The following OR1L3 variants were observed in gnomAD, a reference collection of about 807,000 sequenced individuals.
OR1L3 encodes the protein olfactory receptor family 1 subfamily L member 3.
For synonymous variants in OR1L3, 137 were observed against 144.5 expected (o/e 0.95, Z 0.37); for missense variants, 374 against 386.4 (o/e 0.97, Z 0.27).
Position 122,675,236 on chromosome 9 carries a change from T to A in OR1L3, c.107T>A (p.Leu36Gln). 1 of 1,614,176 alleles carries A rather than the reference T, an allele frequency of 6.2e-7. No homozygotes were observed. Among genetic ancestry groups the A allele is most frequent in the Non-Finnish European group, 8.5e-7 (1 of 1,180,030 alleles). The change falls in exon 1 of 1, where the codon CTG becomes CAG. Residue 36 changes from leucine (L) to glutamine (Q), a missense_variant. Physicochemically the swap from Leu to Gln is moderately radical, Grantham distance 113. Transcript: ENST00000304820. The part of the protein sequence containing the change: ...PLFALFLIIY[L>Q]VTLMGNLLII... ...TTTGCCCTCTTTCTTATCATATACC[T>A]GGTCACTTTGATGGGAAATCTGCTC...
Position 122,675,445 on chromosome 9 carries a change from G to T in OR1L3, c.316G>T (p.Val106Phe). 3 of 1,614,134 alleles carry T rather than the reference G, an allele frequency of 1.9e-6. No homozygotes were observed. The highest frequency in any genetic ancestry group is 2.5e-6 in the Non-Finnish European group (3 of 1,180,034). The change falls in exon 1 of 1, where the codon GTT (valine) becomes TTT (phenylalanine). Residue 106 changes from valine (V) to phenylalanine (F), a missense_variant. By Grantham distance (50) the Val-to-Phe change is conservative. Coordinates refer to ENST00000304820, the MANE Select transcript of OR1L3 (RefSeq NM_001005234.1). ...ECLAQMYFFLVFGNIDSYLLA... is the reference protein window; with the variant it reads ...ECLAQMYFFLFFGNIDSYLLA... ...TCTGGCACAGATGTATTTCTTCCTG[G>T]TTTTTGGAAACATAGATAGTTATCT...
In OR1L3 at chr9:122,675,295, CA is replaced by C. The variant is rs757547943; in HGVS notation, c.170del (p.Asn57ThrfsTer7). On this transcript the variant is annotated frameshift_variant, in exon 1 of 1. Transcript: ENST00000304820. LOFTEE classifies it low-confidence loss of function (END_TRUNC). ...ILAIHSDPRL[Q>X]NPMYFFLSIL... Reference sequence around the variant, plus strand: ...GGCTATCCACTCTGATCCTCGACTTCAAAACCCTATGTATTTTTTCCTAAGC... The same window carrying C: ...GGCTATCCACTCTGATCCTCGACTTCAAACCCTATGTATTTTTTCCTAAGC... 2.2e-5 allele frequency: 35 copies of C among 1,614,060 alleles called. No homozygotes were observed. In the Admixed American group the frequency reaches 5.7e-4, roughly 26 times the overall value.
chr9:122,675,898 T>C lies in OR1L3; in HGVS notation c.769T>C (p.Tyr257His), dbSNP rs778092653. 15 of 1,613,974 alleles carry C rather than the reference T, an allele frequency of 9.3e-6. No homozygotes were observed. Among genetic ancestry groups the C allele is most frequent in the Middle Eastern group, 1.6e-4 (1 of 6,082 alleles). Residue 257 changes from tyrosine to histidine, a missense_variant, in exon 1 of 1, where the codon TAT becomes CAT. Coordinates refer to ENST00000304820, the MANE Select transcript of OR1L3 (RefSeq NM_001005234.1). ...VVILFYGSIS[Y>H]VYLQPLSSYT... is the part of the protein sequence containing the mutation. ...GATTCTGTTTTATGGGAGTATTAGC[T>C]ATGTCTATTTGCAGCCTTTGTCCAG...
At position 122,675,577 on chromosome 9, in the gene OR1L3, A is replaced by G. The variant is rs1386656239; in HGVS notation, c.448A>G (p.Thr150Ala). 1 of 1,614,026 alleles carries G rather than the reference A, an allele frequency of 6.2e-7. No individual in the cohort carries two copies. Among genetic ancestry groups the G allele is most frequent in the South Asian group, 1.1e-5 (1 of 91,062 alleles). ...CCVLLLAFPITFSYFHSLLHV... is the reference protein window; with the variant it reads ...CCVLLLAFPIAFSYFHSLLHV... ...TGTGTTGCTACTAGCATTCCCCATCACTTTCTCCTATTTCCACTCTCTCCT... is the reference window on the plus strand; with the variant it reads ...TGTGTTGCTACTAGCATTCCCCATCGCTTTCTCCTATTTCCACTCTCTCCT... The change falls in exon 1 of 1, where the codon ACT (threonine) becomes GCT (alanine). Residue 150 changes from threonine to alanine, a missense_variant. By Grantham distance (58) the Thr-to-Ala change is moderately conservative. Transcript: ENST00000304820.
chr9:122,675,276 C>G lies in OR1L3; in HGVS notation c.147C>G (p.Ile49Met). The change falls in exon 1 of 1, where the codon ATC becomes ATG. Residue 49 changes from isoleucine (I) to methionine (M), a missense_variant. Coordinates refer to ENST00000304820, the MANE Select transcript of OR1L3 (RefSeq NM_001005234.1). ...GAAATCTGCTCATCATCTTGGCTATCCACTCTGATCCTCGACTTCAAAACC... is the reference window on the plus strand; with the variant it reads ...GAAATCTGCTCATCATCTTGGCTATGCACTCTGATCCTCGACTTCAAAACC... ...LMGNLLIILA[I>M]HSDPRLQNPM... 1 of 1,614,188 alleles carries G rather than the reference C, an allele frequency of 6.2e-7. No individual in the cohort carries two copies. The highest frequency in any genetic ancestry group is 8.5e-7 in the Non-Finnish European group (1 of 1,180,026).
Position 122,675,634 on chromosome 9 carries a change from T to C in OR1L3, c.505T>C (p.Cys169Arg). The C allele has an allele frequency of 1.2e-6, 2 of 1,614,216 alleles. No individual in the cohort carries two copies. Among genetic ancestry groups the C allele is most frequent in the Non-Finnish European group, 1.7e-6 (2 of 1,180,028 alleles). Residue 169 changes from cysteine to arginine, a missense_variant, in exon 1 of 1, where the codon TGT becomes CGT. Coordinates refer to ENST00000304820, the MANE Select transcript of OR1L3 (RefSeq NM_001005234.1). ...HVLLVNRLTFCTSNVIHHFFC... is the reference protein window; with the variant it reads ...HVLLVNRLTFRTSNVIHHFFC... Reference sequence around the variant, plus strand: ...CCTCCTGGTGAATCGGCTCACCTTTTGTACATCAAATGTTATCCATCATTT... The same window carrying C: ...CCTCCTGGTGAATCGGCTCACCTTTCGTACATCAAATGTTATCCATCATTT...
In OR1L3 at chr9:122,675,441, C is replaced by G. The variant is rs1177707740; in HGVS notation, c.312C>G (p.Phe104Leu). The G allele has an allele frequency of 1.9e-6, 3 of 1,614,204 alleles. No homozygotes were observed. In the Admixed American group the frequency reaches 5.0e-5, roughly 27 times the overall value. The change falls in exon 1 of 1, where the codon TTC becomes TTG. Residue 104 changes from phenylalanine (F) to leucine (L), a missense_variant. Transcript: ENST00000304820. ...AATGTCTGGCACAGATGTATTTCTTCCTGGTTTTTGGAAACATAGATAGTT... is the reference window on the plus strand; with the variant it reads ...AATGTCTGGCACAGATGTATTTCTTGCTGGTTTTTGGAAACATAGATAGTT... Reference protein sequence around the residue: ...YAECLAQMYFFLVFGNIDSYL... With the variant: ...YAECLAQMYFLLVFGNIDSYL...
rs558510475 is a variant in OR1L3 at position 122,676,083 on chromosome 9, C to A, written c.954C>A (p.Thr318=). The change falls in exon 1 of 1, where the codon ACC becomes ACA. Residue 318 remains threonine, a synonymous_variant. Transcript: ENST00000304820. ...AAATGAGTAGGTTCTCTACAAAGAC[C>A]AATAAAATCTGTGGACCCTGATTAC... ...KSQMSRFSTK[T]NKICGP 2 of 1,582,458 alleles carry A rather than the reference C, an allele frequency of 1.3e-6. No homozygotes were observed. The highest frequency in any genetic ancestry group is 1.7e-5 in the Admixed American group (1 of 57,388).
Position 122,676,092 on chromosome 9 carries a change from C to T in OR1L3, c.963C>T (p.Ile321=). The T allele has an allele frequency of 6.4e-7, 1 of 1,571,550 alleles. No homozygotes were observed. ...GGTTCTCTACAAAGACCAATAAAATCTGTGGACCCTGATTACAAGGTGTGT... is the reference window on the plus strand; with the variant it reads ...GGTTCTCTACAAAGACCAATAAAATTTGTGGACCCTGATTACAAGGTGTGT... ...MSRFSTKTNK[I]CGP is the part of the protein sequence containing the mutation. Residue 321 remains isoleucine, a synonymous_variant, in exon 1 of 1, where the codon ATC becomes ATT. Coordinates refer to ENST00000304820, the MANE Select transcript of OR1L3 (RefSeq NM_001005234.1).
In OR1L3 at chr9:122,675,606, T is replaced by C; in HGVS notation, c.477T>C (p.His159=). ...TCTCCTATTTCCACTCTCTCCTACA[T>C]GTCCTCCTGGTGAATCGGCTCACCT... ...ITFSYFHSLL[H]VLLVNRLTFC... is the part of the protein sequence containing the mutation. The change falls in exon 1 of 1, where the codon CAT becomes CAC. Residue 159 remains histidine (H), a synonymous_variant. Coordinates refer to ENST00000304820, the MANE Select transcript of OR1L3 (RefSeq NM_001005234.1). 6.2e-7 allele frequency: 1 copy of C among 1,614,198 alleles called. No individual in the cohort carries two copies.
In OR1L3 at chr9:122,675,157, T is replaced by G; in HGVS notation, c.28T>G (p.Ser10Ala). ...GGGAATGTCCAACCTGACAAGACTC[T>G]CTGAATTTATTCTCTTGGGACTCTC... MGMSNLTRL[S>A]EFILLGLSSR... The change falls in exon 1 of 1, where the codon TCT (serine) becomes GCT (alanine). Residue 10 changes from serine to alanine, a missense_variant. By Grantham distance (99) the Ser-to-Ala change is moderately conservative. Coordinates refer to ENST00000304820, the MANE Select transcript of OR1L3 (RefSeq NM_001005234.1). 6.2e-7 allele frequency: 1 copy of G among 1,610,306 alleles called. No homozygotes were observed. Among genetic ancestry groups the G allele is most frequent in the Non-Finnish European group, 8.5e-7 (1 of 1,178,528 alleles).
In OR1L3 at chr9:122,675,240, C is replaced by A. The variant is rs1265019334; in HGVS notation, c.111C>A (p.Val37=). ...LFALFLIIYL[V]TLMGNLLIIL... ...CCCTCTTTCTTATCATATACCTGGTCACTTTGATGGGAAATCTGCTCATCA... is the reference window on the plus strand; with the variant it reads ...CCCTCTTTCTTATCATATACCTGGTAACTTTGATGGGAAATCTGCTCATCA... Residue 37 remains valine (V), a synonymous_variant, in exon 1 of 1, where the codon GTC becomes GTA. Transcript: ENST00000304820. The A allele has an allele frequency of 1.2e-6, 2 of 1,614,136 alleles. No individual in the cohort carries two copies. Among genetic ancestry groups the A allele is most frequent in the South Asian group, 2.2e-5 (2 of 91,068 alleles).
chr9:122,675,349 ACAACAGT>A lies in OR1L3; in HGVS notation c.223_229del (p.Thr75Ter), dbSNP rs781495143. On this transcript the variant is annotated frameshift_variant, in exon 1 of 1. Coordinates refer to ENST00000304820, the MANE Select transcript of OR1L3 (RefSeq NM_001005234.1). LOFTEE classifies it low-confidence loss of function (END_TRUNC). ...CTTGTCCTTTGCTGATATTTGCTAC[ACAACAGT>A]CATAGTCCCAAAGATGCTCGTGAAC... 3 of 1,614,230 alleles carry A rather than the reference ACAACAGT, an allele frequency of 1.9e-6. No homozygotes were observed. In the East Asian group the frequency reaches 6.7e-5, roughly 36 times the overall value.
In OR1L3 at chr9:122,676,080, G is replaced by T; in HGVS notation, c.951G>T (p.Lys317Asn). The change falls in exon 1 of 1, where the codon AAG (lysine) becomes AAT (asparagine). Residue 317 changes from lysine to asparagine, a missense_variant. Physicochemically the swap from Lys to Asn is moderately conservative, Grantham distance 94. Coordinates refer to ENST00000304820, the MANE Select transcript of OR1L3 (RefSeq NM_001005234.1). ...IKSQMSRFST[K>N]TNKICGP ...CTCAAATGAGTAGGTTCTCTACAAA[G>T]ACCAATAAAATCTGTGGACCCTGAT... The T allele has an allele frequency of 6.3e-7, 1 of 1,586,652 alleles. No individual in the cohort carries two copies. The highest frequency in any genetic ancestry group is 1.2e-5 in the South Asian group (1 of 85,944).
chr9:122,675,494 G>T lies in OR1L3; in HGVS notation c.365G>T (p.Arg122Leu), dbSNP rs546730825. The T allele has an allele frequency of 2.2e-5, 35 of 1,614,048 alleles. No individual in the cohort carries two copies. The highest frequency in any genetic ancestry group is 3.0e-5 in the Non-Finnish European group (35 of 1,180,036). Residue 122 changes from arginine (R) to leucine (L), a missense_variant, in exon 1 of 1, where the codon CGC becomes CTC. Arg to Leu is a moderately radical substitution (Grantham distance 102, BLOSUM62 -2). Transcript: ENST00000304820. ...CTCCTGGCGGCTATGGCCATCAACC[G>T]CTGTGTAGCCATTTGTAACCCATTC... is the stretch of plus-strand genomic sequence containing the variant. ...SYLLAAMAIN[R>L]CVAICNPFHY...
rs377105065 is a variant in OR1L3 at position 122,675,147 on chromosome 9, G to T, written c.18G>T (p.Leu6=). ...ACAAGTCCATGGGAATGTCCAACCTGACAAGACTCTCTGAATTTATTCTCT... is the reference window on the plus strand; with the variant it reads ...ACAAGTCCATGGGAATGTCCAACCTTACAAGACTCTCTGAATTTATTCTCT... MGMSN[L]TRLSEFILLG... The change falls in exon 1 of 1, where the codon CTG becomes CTT. Residue 6 remains leucine (L), a synonymous_variant. Transcript: ENST00000304820. 5 of 1,607,568 alleles carry T rather than the reference G, an allele frequency of 3.1e-6. No homozygotes were observed. Among genetic ancestry groups the T allele is most frequent in the Non-Finnish European group, 4.2e-6 (5 of 1,177,352 alleles).
Position 122,675,740 on chromosome 9 carries a change from T to C in OR1L3, c.611T>C (p.Leu204Pro), listed in dbSNP as rs76088588. ...VNEIVAMTEGLASVMAPFVCI... is the reference protein window; with the variant it reads ...VNEIVAMTEGPASVMAPFVCI... Reference sequence around the variant, plus strand: ...GAAATTGTGGCCATGACAGAAGGGCTGGCCTCTGTGATGGCTCCATTTGTC... The same window carrying C: ...GAAATTGTGGCCATGACAGAAGGGCCGGCCTCTGTGATGGCTCCATTTGTC... The change falls in exon 1 of 1, where the codon CTG becomes CCG. Residue 204 changes from leucine (L) to proline (P), a missense_variant. By Grantham distance (98) the Leu-to-Pro change is moderately conservative. Coordinates refer to ENST00000304820, the MANE Select transcript of OR1L3 (RefSeq NM_001005234.1). The C allele has an allele frequency of 2.0e-5, 32 of 1,614,212 alleles. 1 individual carries two copies. In the South Asian group the frequency reaches 2.9e-4, roughly 14 times the overall value.
chr9:122,675,568 T>G lies in OR1L3; in HGVS notation c.439T>G (p.Phe147Val). 1 of 1,614,196 alleles carries G rather than the reference T, an allele frequency of 6.2e-7. No homozygotes were observed. The highest frequency in any genetic ancestry group is 1.1e-5 in the South Asian group (1 of 91,080). The change falls in exon 1 of 1, where the codon TTC becomes GTC. Residue 147 changes from phenylalanine to valine, a missense_variant. Physicochemically the swap from Phe to Val is conservative, Grantham distance 50 (BLOSUM62 -1). Transcript: ENST00000304820. Reference protein sequence around the residue: ...NRRCCVLLLAFPITFSYFHSL... With the variant: ...NRRCCVLLLAVPITFSYFHSL... The stretch of plus-strand genomic sequence containing the variant: ...CAGATGCTGTGTGTTGCTACTAGCA[T>G]TCCCCATCACTTTCTCCTATTTCCA...
Position 122,675,891 on chromosome 9 carries a change from T to A in OR1L3, c.762T>A (p.Ser254Arg), listed in dbSNP as rs781615022. The stretch of plus-strand genomic sequence containing the variant: ...CTGTGGTGATTCTGTTTTATGGGAG[T>A]ATTAGCTATGTCTATTTGCAGCCTT... ...HLTVVILFYG[S>R]ISYVYLQPLS... is the part of the protein sequence containing the mutation. The change falls in exon 1 of 1, where the codon AGT (serine) becomes AGA (arginine). Residue 254 changes from serine (S) to arginine (R), a missense_variant. Physicochemically the swap from Ser to Arg is moderately radical, Grantham distance 110. Transcript: ENST00000304820. The A allele has an allele frequency of 6.2e-7, 1 of 1,613,902 alleles. No homozygotes were observed. The highest frequency in any genetic ancestry group is 2.2e-5 in the East Asian group (1 of 44,874).
Sources: allele counts gnomAD v4.1 joint callset, GRCh38; gene constraint gnomAD v4.1.1; transcripts MANE v1.5; gene names NCBI Gene and HGNC (gene_info 2026-07-23, HGNC 2026-07-21).